Variants in ACAD10 observed in about 807,000 individuals in gnomAD.
ACAD10 encodes acyl-CoA dehydrogenase family member 10.
In ACAD10, 112 loss-of-function variants were observed where a neutral mutation model predicts 116.8. That is an observed-to-expected ratio of 0.96 (90% CI 0.82 to 1.12). The LOEUF (loss-of-function observed/expected upper bound fraction) is 1.12, where lower values mean the gene tolerates loss of function less well. ACAD10 is among the 50% of genes most tolerant of loss of function. The pLI is 0.00. For synonymous variants in ACAD10, 486 were observed against 510.6 expected, an observed-to-expected ratio of 0.95 and a Z score of 0.65; for missense variants, 1,259 against 1,350.2, an observed-to-expected ratio of 0.93 and a Z score of 1.06.
intron 6 of ACAD10, among the ~76,000 whole-genome samples, chr12:111,713,040 C>T (rs796872248): frequency 1.4e-4 from 22 of 152,198 alleles, no homozygotes; most frequent in African/African-American, 4.6e-4. Context: ...CAGGCGGGTG[C>T]GGTGGCTCAC....
Position 111,692,838 on chromosome 12 carries a change from A to T in ACAD10, c.129A>T (p.Arg43Ser). The change falls in exon 2 of 21, where the codon AGA (arginine) becomes AGT (serine). Residue 43 changes from arginine (R) to serine (S), a missense_variant. Arg to Ser is a moderately radical substitution (Grantham distance 110, BLOSUM62 -1). Transcript: ENST00000313698. ...RWTHLGGSTYRAVIFDMGGVL... is the reference protein window; with the variant it reads ...RWTHLGGSTYSAVIFDMGGVL... The stretch of plus-strand genomic sequence containing the variant: ...CACACCTTGGAGGCAGCACCTACAG[A>T]GCGGTGATTTTCGACATGGGCGGAG... 1 of 1,614,150 alleles carries T rather than the reference A, an allele frequency of 6.2e-7. No individual in the cohort carries two copies. The highest frequency in any genetic ancestry group is 8.5e-7 in the Non-Finnish European group (1 of 1,180,034).
intron 18 of ACAD10, among the ~76,000 whole-genome samples, chr12:111,752,217 C>T (rs1001967256): frequency 1.3e-5 from 2 of 151,636 alleles, no homozygotes; most frequent in Non-Finnish European, 2.9e-5. Context: ...AGAGCAACAC[C>T]CTGTCTGGGA....
intron 2 of ACAD10, among the ~76,000 whole-genome samples, chr12:111,694,098 T>A (rs964171192): frequency 4.6e-5 from 7 of 152,208 alleles, no homozygotes; most frequent in Non-Finnish European, 8.8e-5. Flanking sequence ...TGGCCAGTTC[T>A]CCATCCTAAA....
At position 111,753,931 on chromosome 12, in the gene ACAD10, C is replaced by T. The variant is rs186002130; in HGVS notation, c.2961+16C>T. On this transcript the variant is annotated intron_variant, in intron 19 of 20. Coordinates refer to ENST00000313698, the MANE Select transcript of ACAD10 (RefSeq NM_025247.6). The stretch of plus-strand genomic sequence containing the variant: ...AGGAAACAAGGTAGGGGCAGGGGCA[C>T]GAGGGGGCCTCCCAGAGGCAGAGAT... 8.8e-6 allele frequency: 14 copies of T among 1,587,582 alleles called. No homozygotes were observed. The highest frequency in any genetic ancestry group is 4.5e-5 in the South Asian group (4 of 88,492).
At chr12:111,689,357 A>G (rs1184766012) in intron 1 of ACAD10, among the ~76,000 whole-genome samples, 1 of 151,378 alleles carries the variant, frequency 6.6e-6, no homozygotes, top group Non-Finnish European at 1.5e-5. Context: ...TTGTGTTGTT[A>G]TTTTTGTTGG....
chr12:111,749,554 G>A, intron 18 of ACAD10: 2 of 663,494 alleles, frequency 3.0e-6, no homozygotes, highest in South Asian at 4.2e-5. Flanking sequence ...ACTCTGTCGA[G>A]GTGACCTGAA....
At chr12:111,695,905 T>G (rs1361889822) in intron 2 of ACAD10, among the ~76,000 whole-genome samples, 1 of 151,616 alleles carries the variant, frequency 6.6e-6, no homozygotes, top group Non-Finnish European at 1.5e-5. Flanking sequence ...TTGCAGCTAC[T>G]CTGGAGGCTG....
intron 8 of ACAD10, among the ~76,000 whole-genome samples, chr12:111,727,091 T>G (rs1366776969): frequency 3.3e-5 from 5 of 151,888 alleles, no homozygotes; most frequent in Non-Finnish European, 7.4e-5. Context: ...TCAGGCGTGG[T>G]GGCATGCACC....
rs372086085 is a variant in ACAD10 at position 111,756,495 on chromosome 12, C to G, written c.*22C>G. 20 of 1,609,642 alleles carry G rather than the reference C, an allele frequency of 1.2e-5. No individual in the cohort carries two copies. Among genetic ancestry groups the G allele is most frequent in the Non-Finnish European group, 1.6e-5 (19 of 1,179,242 alleles). The stretch of plus-strand genomic sequence containing the variant: ...TTAGAGCCTTGGGGCTGCAGTGGCT[C>G]AATGTCCTGGCTGGTCCAGCTGTGC... On this transcript the variant is annotated 3_prime_UTR_variant, in exon 21 of 21. Transcript: ENST00000313698.
chr12:111,736,828 C>T lies in ACAD10; in HGVS notation c.1541-3C>T, dbSNP rs956889247. On this transcript the variant is annotated splice_polypyrimidine_tract_variant and splice_region_variant and intron_variant, in intron 11 of 20. Transcript: ENST00000313698. ...CCCATGAATGGCTCTGTCTTTCTCGCAGGTATTAATGACTGTGACTTGACA... is the reference window on the plus strand; with the variant it reads ...CCCATGAATGGCTCTGTCTTTCTCGTAGGTATTAATGACTGTGACTTGACA... The T allele has an allele frequency of 1.2e-6, 2 of 1,610,290 alleles. No homozygotes were observed. The highest frequency in any genetic ancestry group is 1.7e-5 in the Admixed American group (1 of 59,316).
chr12:111,712,255 C>T (rs1888707001), intron 5 of ACAD10, among the ~76,000 whole-genome samples: 1 of 152,084 alleles, frequency 6.6e-6, no homozygotes, highest in South Asian at 2.1e-4. Flanking sequence ...AATTTATGTT[C>T]AAGTGCTATG....
At chr12:111,712,173 A>G (rs1362204121) in intron 5 of ACAD10, among the ~76,000 whole-genome samples, 1 of 152,196 alleles carries the variant, frequency 6.6e-6, no homozygotes, top group East Asian at 1.9e-4. Flanking sequence ...TGTTTGGTGT[A>G]CTGTTGTGGC....
chr12:111,752,676 A>G (rs991904191), intron 18 of ACAD10: 8 of 152,150 alleles, frequency 5.3e-5, no homozygotes, highest in Non-Finnish European at 1.0e-4. Flanking sequence ...AAATAAGTAT[A>G]TATAAAAAAA....
intron 3 of ACAD10, among the ~76,000 whole-genome samples, chr12:111,704,266 C>T (rs1353618841): frequency 5.3e-5 from 8 of 151,794 alleles, no homozygotes; most frequent in Non-Finnish European, 5.9e-5. Context: ...CTCAGCCTCC[C>T]GAGTAGCTGG....
In ACAD10 at chr12:111,741,167, G is replaced by A. The variant is rs1033093375; in HGVS notation, c.1715-3476G>A. ...GTCTGATAAGCAGGGGATGCTGGAA[G>A]CAGGAATTTCTGGAAACAATATTTT... On this transcript the variant is annotated intron_variant, in intron 12 of 20. Transcript: ENST00000313698. Among the ~76,000 whole-genome samples the A allele has an allele frequency of 1.3e-4, 20 of 152,222 alleles. 1 individual carries two copies. The highest frequency in any genetic ancestry group is 1.2e-3 in the Admixed American group (18 of 15,278).
At chr12:111,755,633 G>A (rs746582381) in intron 19 of ACAD10, 35 bp from the exon 20 acceptor site, 13 of 1,580,566 alleles carry the variant, frequency 8.2e-6, no homozygotes, top group African/African-American at 5.4e-5. Flanking sequence ...GGCTGCCCTC[G>A]GGTCTTTTAT....
intron 2 of ACAD10, among the ~76,000 whole-genome samples, chr12:111,701,069 T>G (rs1320682220): frequency 6.6e-6 from 1 of 152,148 alleles, no homozygotes; most frequent in Non-Finnish European, 1.5e-5. Flanking sequence ...TACTTTCTTT[T>G]GCATAGTTTT....
intron 3 of ACAD10, among the ~76,000 whole-genome samples, chr12:111,704,120 A>G (rs988619433): frequency 2.0e-5 from 3 of 151,406 alleles, no homozygotes; most frequent in African/African-American, 7.3e-5. Flanking sequence ...GTGACTGTTA[A>G]TGGGTACGGT....
chr12:111,753,755 A>C lies in ACAD10; in HGVS notation c.2818-17A>C. 1 of 1,613,758 alleles carries C rather than the reference A, an allele frequency of 6.2e-7. No homozygotes were observed. The highest frequency in any genetic ancestry group is 8.5e-7 in the Non-Finnish European group (1 of 1,179,982). ...CAGCCCAGCATGTCCTCAGCCGCAC[A>C]TCTCCTGTGTCGACAGGTGAAGTCC... On this transcript the variant is annotated splice_polypyrimidine_tract_variant and intron_variant, in intron 18 of 20. Transcript: ENST00000313698.
Sources: allele counts gnomAD v4.1 joint callset (sites outside exome capture counted in the v4.1 genomes callset), GRCh38; gene constraint gnomAD v4.1.1; transcripts MANE v1.5; gene names NCBI Gene and HGNC (gene_info 2026-07-23, HGNC 2026-07-21).